The following AHI1 variants were observed in gnomAD, a reference collection of about 807,000 sequenced individuals.
AHI1 encodes the protein Abelson helper integration site 1, also known as jouberin.
AHI1 carries 123 observed loss-of-function variants against 149.3 expected under a neutral mutation model. The observed-to-expected ratio is 0.82, with a 90% CI of 0.71 to 0.96. The LOEUF (loss-of-function observed/expected upper bound fraction) is 0.96. Ranked by LOEUF, AHI1 falls within the 40% of genes least tolerant of loss-of-function variation. The pLI is 0.00. For missense variants in AHI1, 1,439 were observed against 1,422.7 expected (o/e 1.01, Z -0.18); for synonymous variants, 475 against 459.8 (o/e 1.03, Z -0.42).
chr6:135,285,725 CA>C, intron 28 of AHI1, 78 bp from the exon 29 acceptor site: 1 of 1,190,280 alleles, frequency 8.4e-7, no homozygotes, highest in Non-Finnish European at 1.2e-6. Flanking sequence ...TTAGTGTGCT[CA>C]GGCAACAGCA....
At chr6:135,375,316 A>G (rs1775748996) in intron 23 of AHI1, among the ~76,000 whole-genome samples, 2 of 152,238 alleles carry the variant, frequency 1.3e-5, no homozygotes, top group African/African-American at 4.8e-5. Context: ...GAAAAAAACG[A>G]GCAACCACTG....
intron 23 of AHI1, among the ~76,000 whole-genome samples, chr6:135,385,587 A>T (rs2128473146): frequency 6.6e-6 from 1 of 152,344 alleles, no homozygotes; most frequent in Middle Eastern, 3.4e-3. Flanking sequence ...AAACGATTAG[A>T]AACATCTGTC....
chr6:135,477,092 G>A (rs1359422035), intron 5 of AHI1, among the ~76,000 whole-genome samples: 2 of 150,642 alleles, frequency 1.3e-5, no homozygotes, highest in Non-Finnish European at 1.5e-5. Flanking sequence ...CTAGGCTGGA[G>A]TGCAGTGGTG....
chr6:135,343,967 T>C (rs1246335307), intron 24 of AHI1, among the ~76,000 whole-genome samples: 1 of 151,946 alleles, frequency 6.6e-6, no homozygotes, highest in Non-Finnish European at 1.5e-5. Flanking sequence ...ACCTACAGAA[T>C]GGAAGAAAAT....
chr6:135,347,005 T>C (rs1053952215), intron 24 of AHI1, among the ~76,000 whole-genome samples: 19 of 152,324 alleles, frequency 1.2e-4, no homozygotes, highest in East Asian at 1.9e-4. Context: ...TCCCAGGAAA[T>C]TGACTAAGGT....
intron 20 of AHI1, among the ~76,000 whole-genome samples, chr6:135,412,020 GTAATTA>G (rs1781671635): frequency 6.6e-6 from 1 of 151,684 alleles, no homozygotes; most frequent in Non-Finnish European, 1.5e-5. Context: ...CTACAATGAC[GTAATTA>G]TAATTATTAA....
chr6:135,373,755 GC>G lies in AHI1; in HGVS notation c.3110-15569del, dbSNP rs201807368. On this transcript the variant is annotated intron_variant, in intron 23 of 28. Transcript: ENST00000265602. ...AAAACAAAAACAGACAGGAACATGT[GC>G]CAAGTTTTGAAGACAGAACATATGT... is the stretch of plus-strand genomic sequence containing the variant. Among the ~76,000 whole-genome samples, 12 of 152,260 alleles carry G rather than the reference GC, an allele frequency of 7.9e-5. No homozygotes were observed. In the East Asian group the frequency reaches 2.3e-3, roughly 29 times the overall value.
chr6:135,323,879 T>C (rs1787252936), intron 24 of AHI1, among the ~76,000 whole-genome samples: 1 of 152,206 alleles, frequency 6.6e-6, no homozygotes, highest in African/African-American at 2.4e-5. Context: ...AAAGTATCCA[T>C]ATAAGTTATT....
rs149955134 is a variant in AHI1, at chr6:135,312,086, T to C, written c.3426+6433A>G. On this transcript the variant is annotated intron_variant, in intron 26 of 28. Transcript: ENST00000265602. ...TTAAGAGGTATAATTTTGCTTCTTA[T>C]TCTATAGCTTGAAAATAAATAATTT... is the stretch of plus-strand genomic sequence containing the variant. Among the ~76,000 whole-genome samples the C allele has an allele frequency of 2.4e-3, 365 of 152,380 alleles. 4 individuals carry two copies. The highest frequency in any genetic ancestry group is 8.3e-3 in the African/African-American group (344 of 41,582).
Position 135,455,787 on chromosome 6 carries a change from G to A in AHI1, c.1291C>T (p.Pro431Ser), listed in dbSNP as rs1270940407. 6.2e-7 allele frequency: 1 copy of A among 1,603,312 alleles called. No individual in the cohort carries two copies. The highest frequency in any genetic ancestry group is 8.5e-7 in the Non-Finnish European group (1 of 1,174,048). ...EEQIVFNENF[P>S]YLLRGSDESP... Reference sequence around the variant, plus strand: ...TCATCAGAGCCTCGAAGCAAATAGGGAAAATTTTCATTAAATACAATTTGT... The same window carrying A: ...TCATCAGAGCCTCGAAGCAAATAGGAAAAATTTTCATTAAATACAATTTGT... The change falls in exon 10 of 29, where the codon CCC (proline) becomes TCC (serine). Residue 431 changes from proline (P) to serine (S), a missense_variant. Transcript: ENST00000265602.
chr6:135,385,228 T>C (rs1777417385), intron 23 of AHI1, among the ~76,000 whole-genome samples: 1 of 152,084 alleles, frequency 6.6e-6, no homozygotes, highest in African/African-American at 2.4e-5. Context: ...AAGATAAATA[T>C]CTGAAAATCA....
chr6:135,472,280 T>G (rs891950569), intron 5 of AHI1, among the ~76,000 whole-genome samples: 4 of 152,136 alleles, frequency 2.6e-5, no homozygotes, highest in African/African-American at 9.7e-5. Flanking sequence ...TAAATGAAAT[T>G]ATACCATCTA....
intron 7 of AHI1, among the ~76,000 whole-genome samples, chr6:135,463,916 T>C (rs550501936): frequency 6.6e-6 from 1 of 152,232 alleles, no homozygotes; most frequent in Admixed American, 6.5e-5. Flanking sequence ...GGCTAATTTT[T>C]GTAATTTTTG....
intron 22 of AHI1, among the ~76,000 whole-genome samples, chr6:135,395,692 C>G (rs543697474): frequency 6.6e-6 from 1 of 151,868 alleles, no homozygotes; most frequent in South Asian, 2.1e-4. Context: ...ATTAACAAAT[C>G]AATCATTTAA....
rs1795168226 is a variant in AHI1, at chr6:135,490,930, T to G, written c.11-183A>C. On this transcript the variant is annotated intron_variant, in intron 4 of 28. Coordinates refer to ENST00000265602, the MANE Select transcript of AHI1 (RefSeq NM_001134831.2). ...TATTTTGACTTTAGTGACACAACAT[T>G]CACCTGTATCCCTCTGACCTTTTTG... 2.0e-5 allele frequency among the ~76,000 whole-genome samples: 3 copies of G among 152,188 alleles called. No individual in the cohort carries two copies. The South Asian group carries it at 6.2e-4, about 32-fold the overall frequency.
At chr6:135,474,965 G>C (rs1183862021) in intron 5 of AHI1, among the ~76,000 whole-genome samples, 2 of 152,234 alleles carry the variant, frequency 1.3e-5, no homozygotes, top group African/African-American at 2.4e-5. Context: ...CAGTCTGGAA[G>C]AGTCTGTATA....
intron 11 of AHI1, among the ~76,000 whole-genome samples, chr6:135,449,087 T>A (rs767859484): frequency 6.6e-6 from 1 of 152,230 alleles, no homozygotes; most frequent in South Asian, 2.1e-4. Context: ...CGCTCTGTTA[T>A]CCAGGCCGGA....
At chr6:135,370,159 G>T (rs1429605099) in intron 23 of AHI1, among the ~76,000 whole-genome samples, 2 of 152,164 alleles carry the variant, frequency 1.3e-5, no homozygotes, top group African/African-American at 2.4e-5. Context: ...CTCAGAAAAG[G>T]CTCACCATTT....
chr6:135,384,000 A>G (rs759272054), intron 23 of AHI1, among the ~76,000 whole-genome samples: 1 of 152,222 alleles, frequency 6.6e-6, no homozygotes, highest in African/African-American at 2.4e-5. Context: ...AGTGAGTTGC[A>G]AAACATTTAC....
Sources: gnomAD v4.1 joint callset for allele counts (sites outside exome capture counted in the v4.1 genomes callset) on GRCh38, gnomAD v4.1.1 for gene constraint, MANE v1.5 for transcripts, NCBI Gene and HGNC (gene_info 2026-07-23, HGNC 2026-07-21) for gene names.